The following TTYH2 variants were observed in gnomAD, a reference collection of about 807,000 sequenced individuals.
The protein encoded by TTYH2 is tweety family member 2.
In TTYH2, 49 loss-of-function variants were observed where a neutral mutation model predicts 68.3. The ratio of observed to expected loss-of-function variants is 0.72; its 90% CI spans 0.57 to 0.91. The LOEUF is 0.91. Ranked by LOEUF, TTYH2 falls within the 40% of genes least tolerant of loss-of-function variation. TTYH2 has a pLI of 0.00. For synonymous variants in TTYH2, 272 were observed against 300.8 expected (o/e 0.90, Z 0.99); for missense variants, 631 against 700.4 (o/e 0.90, Z 1.12).
In TTYH2 at chr17:74,258,193, G is replaced by T. The variant is rs72848267; in HGVS notation, c.1525-1936G>T. ...AGAAGAAGGAGGGTCTCATACTTGC[G>T]TATGCATCAGAATCGCCTGAGGGAC... On this transcript the variant is annotated intron_variant, in intron 13 of 13. Coordinates refer to ENST00000269346, the MANE Select transcript of TTYH2 (RefSeq NM_032646.6). Among the ~76,000 whole-genome samples, 120 of 152,210 alleles carry T rather than the reference G, an allele frequency of 7.9e-4. 2 individuals carry two copies. Among genetic ancestry groups the T allele is most frequent in the African/African-American group, 2.8e-3 (115 of 41,552 alleles).
intron 13 of TTYH2, among the ~76,000 whole-genome samples, chr17:74,259,232 G>C (rs1375274152): frequency 1.3e-5 from 2 of 151,980 alleles, no homozygotes; most frequent in Admixed American, 1.3e-4. Context: ...TTTTAAGAGA[G>C]AGGGTCTCGC....
rs952144115 is a variant in TTYH2, at chr17:74,248,857, G to A, written c.805-154G>A. 4.8e-6 allele frequency: 7 copies of A among 1,473,088 alleles called. No individual in the cohort carries two copies. In the African/African-American group the frequency reaches 9.9e-5, roughly 21 times the overall value. 91.3% of individuals were successfully genotyped at this position (1,473,088 alleles called of 1,614,324 possible). On this transcript the variant is annotated intron_variant, in intron 6 of 13. Transcript: ENST00000269346. ...GGCAACAGAGCTAGGAAGGGGCAGA[G>A]CCAGGTTTGAACCCAGGAGGCTGGC... is the stretch of plus-strand genomic sequence containing the variant.
At chr17:74,240,602 G>T (rs999530273) in intron 4 of TTYH2, among the ~76,000 whole-genome samples, 1 of 152,158 alleles carries the variant, frequency 6.6e-6, no homozygotes, top group African/African-American at 2.4e-5. Flanking sequence ...CCCTGTCTTT[G>T]CTTTTGGGAT....
intron 1 of TTYH2, among the ~76,000 whole-genome samples, chr17:74,218,223 T>C (rs1225556060): frequency 6.6e-6 from 1 of 152,080 alleles, no homozygotes; most frequent in Non-Finnish European, 1.5e-5. Flanking sequence ...CCCTCCTCCT[T>C]CCTCCTCCCT....
chr17:74,258,511 C>A (rs1485752487), intron 13 of TTYH2, among the ~76,000 whole-genome samples: 1 of 152,070 alleles, frequency 6.6e-6, no homozygotes, highest in African/African-American at 2.4e-5. Context: ...TGGTGATCCA[C>A]CTGTCTCGGC....
In TTYH2 at chr17:74,260,467, C is replaced by T. The variant is rs2050738895; in HGVS notation, c.*258C>T. 2 of 511,498 alleles carry T rather than the reference C, an allele frequency of 3.9e-6. No individual in the cohort carries two copies. The highest frequency in any genetic ancestry group is 7.1e-6 in the Non-Finnish European group (2 of 280,850). The allele number at this position is 511,498 out of a possible 1,614,324, so 31.7% of individuals were successfully genotyped here. A position where few individuals can be genotyped will look rare whatever the true frequency, so the allele number is the denominator to read the frequency against. ...CTTGGCTGCCTCAGAGGTACCATCC[C>T]TGAGCTGGCTGCCTGGCCCTGCTCA... On this transcript the variant is annotated 3_prime_UTR_variant, in exon 14 of 14. Transcript: ENST00000269346.
At chr17:74,251,705 C>A (rs1227747515) in intron 10 of TTYH2, among the ~76,000 whole-genome samples, 2 of 152,088 alleles carry the variant, frequency 1.3e-5, no homozygotes, top group Non-Finnish European at 2.9e-5. Context: ...ACACATGCAA[C>A]CAGAGCAGTC....
At chr17:74,223,782 G>T (rs910274924) in intron 2 of TTYH2, among the ~76,000 whole-genome samples, 3 of 152,196 alleles carry the variant, frequency 2.0e-5, no homozygotes, top group Non-Finnish European at 4.4e-5. Context: ...AGCCAGGCAG[G>T]TCCTGGTCAG....
chr17:74,252,508 G>A, intron 11 of TTYH2, 132 bp downstream of exon 11: 1 of 1,162,082 alleles, frequency 8.6e-7, no homozygotes, highest in Non-Finnish European at 1.2e-6. Context: ...CGGGCATTCA[G>A]CCCAACAGGC....
At chr17:74,259,560 G>T (rs1416377068) in intron 13 of TTYH2, among the ~76,000 whole-genome samples, 3 of 152,154 alleles carry the variant, frequency 2.0e-5, no homozygotes, top group African/African-American at 7.2e-5. Context: ...ACTAGTGGAT[G>T]TGGCCTGGGC....
intron 6 of TTYH2, chr17:74,247,832 A>C (rs1567818955): frequency 6.6e-6 from 1 of 152,138 alleles, no homozygotes; most frequent in East Asian, 1.9e-4. Context: ...CAGGGTCTTA[A>C]GTGCGTGCGT....
In TTYH2 at chr17:74,253,169, C is replaced by T. The variant is rs141990265; in HGVS notation, c.1348C>T (p.Leu450Phe). ...GGCTCACAGTCCCCCGAGGGGACAG[C>T]TTCACAGCTTCTGCAGCTACAGCAG... ...MAAHSPPRGQ[L>F]HSFCSYSSGL... is the part of the protein sequence containing the mutation. Residue 450 changes from leucine (L) to phenylalanine (F), a missense_variant, in exon 12 of 14, where the codon CTT becomes TTT. Transcript: ENST00000269346. The T allele has an allele frequency of 2.5e-6, 4 of 1,613,958 alleles. No individual in the cohort carries two copies. The highest frequency in any genetic ancestry group is 2.7e-5 in the African/African-American group (2 of 74,932).
chr17:74,234,088 G>A (rs1344346558), intron 3 of TTYH2, among the ~76,000 whole-genome samples: 1 of 152,178 alleles, frequency 6.6e-6, no homozygotes, highest in Non-Finnish European at 1.5e-5. Flanking sequence ...TCATACTTGA[G>A]CTTGCATCAG....
intron 13 of TTYH2, 60 bp downstream of exon 13, chr17:74,253,893 A>T: frequency 6.5e-7 from 1 of 1,528,076 alleles, no homozygotes. Context: ...ACCTCCTGCC[A>T]ACCCAGTGAA....
Position 74,232,499 on chromosome 17 carries a change from G to T in TTYH2, c.414+1500G>T, listed in dbSNP as rs1028423105. On this transcript the variant is annotated intron_variant, in intron 3 of 13. Coordinates refer to ENST00000269346, the MANE Select transcript of TTYH2 (RefSeq NM_032646.6). The surrounding 1 kb of genome is among the most constrained non-coding windows in gnomAD (Gnocchi z 5.1). ...TTGCGCGGTGAGCTGGGGCGGCTGG[G>T]TTGGAGGAGCTGAGGGACAGCCAGC... 6.6e-6 allele frequency among the ~76,000 whole-genome samples: 1 copy of T among 152,250 alleles called. No individual in the cohort carries two copies. Among genetic ancestry groups the T allele is most frequent in the African/African-American group, 2.4e-5 (1 of 41,474 alleles).
intron 3 of TTYH2, among the ~76,000 whole-genome samples, chr17:74,236,953 A>G (rs948273112): frequency 6.7e-6 from 1 of 149,672 alleles, no homozygotes; most frequent in African/African-American, 2.5e-5. Context: ...CTGGAGTGCA[A>G]TGGTGCGATC....
intron 4 of TTYH2, among the ~76,000 whole-genome samples, chr17:74,240,328 A>G (rs758616310): frequency 6.6e-6 from 1 of 152,120 alleles, no homozygotes; most frequent in African/African-American, 2.4e-5. Flanking sequence ...AGTCCCAGCT[A>G]CTTGGGAGGC....
At chr17:74,252,543 C>G (rs1225668249) in intron 11 of TTYH2, among the ~76,000 whole-genome samples, 167 bp downstream of exon 11, 1 of 152,236 alleles carries the variant, frequency 6.6e-6, no homozygotes, top group Non-Finnish European at 1.5e-5. Context: ...AGAAGCTTCC[C>G]CAAGAGTCCA....
At position 74,261,202 on chromosome 17, in the gene TTYH2, A is replaced by C. The variant is rs570235462; in HGVS notation, c.*993A>C. The C allele has an allele frequency of 1.3e-5, 2 of 152,314 alleles. No homozygotes were observed. The highest frequency in any genetic ancestry group is 2.4e-5 in the African/African-American group (1 of 41,408). The allele number at this position is 152,314 out of a possible 1,614,324, so 9.4% of individuals were successfully genotyped here. The stretch of plus-strand genomic sequence containing the variant: ...GGAGACGGGAAGGAGTCGATTCTTA[A>C]ATAAGGATCAGTGAGGCATCCTGTC... On this transcript the variant is annotated 3_prime_UTR_variant, in exon 14 of 14. Coordinates refer to ENST00000269346, the MANE Select transcript of TTYH2 (RefSeq NM_032646.6).
Sources: gnomAD v4.1 joint callset for allele counts (sites outside exome capture counted in the v4.1 genomes callset) on GRCh38, gnomAD v4.1.1 for gene constraint, Gnocchi (gnomAD v3.1) non-coding constraint, MANE v1.5 for transcripts, NCBI Gene and HGNC (gene_info 2026-07-23, HGNC 2026-07-21) for gene names.